Variants in PRDM16 observed in about 807,000 individuals in gnomAD.
The protein encoded by PRDM16 is PR/SET domain 16.
Under a neutral mutation model 110.6 loss-of-function variants are expected in PRDM16, and 23 were observed. That is an observed-to-expected ratio of 0.21 (90% CI 0.15 to 0.29). The LOEUF is 0.29. Among genes scored for constraint, PRDM16 ranks in the 10% least tolerant of loss-of-function variants. PRDM16 has a pLI of 1.00. For synonymous variants in PRDM16, 799 were observed against 781.8 expected, an observed-to-expected ratio of 1.02 and a Z score of -0.37; for missense variants, 1,615 against 1,794.3, an observed-to-expected ratio of 0.90 and a Z score of 1.81.
At position 3,244,027 on chromosome 1, in the gene PRDM16, C is replaced by T; in HGVS notation, c.388-60C>T. ...GGTTCTGCCCCCACCATTTAGAACC[C>T]AGTGTAGCTTGAGAATGTTTTATCA... On this transcript the variant is annotated intron_variant, in intron 2 of 16. Transcript: ENST00000270722. The surrounding 1 kb of genome is among the most constrained non-coding windows in gnomAD (Gnocchi z 4.1). 1 of 1,553,588 alleles carries T rather than the reference C, an allele frequency of 6.4e-7. No homozygotes were observed. Among genetic ancestry groups the T allele is most frequent in the Non-Finnish European group, 8.9e-7 (1 of 1,124,906 alleles).
At chr1:3,079,680 C>T (rs776665792) in intron 1 of PRDM16, among the ~76,000 whole-genome samples, 3 of 152,190 alleles carry the variant, frequency 2.0e-5, no homozygotes, top group Non-Finnish European at 2.9e-5. Flanking sequence ...TTTTCTTGGC[C>T]AGAGCTGAGA....
chr1:3,388,113 C>T (rs1055492212), intron 4 of PRDM16, among the ~76,000 whole-genome samples: 2 of 152,176 alleles, frequency 1.3e-5, no homozygotes, highest in East Asian at 1.9e-4. Context: ...TTTTTAAAAG[C>T]TTTTAACAAC....
chr1:3,161,997 C>T (rs573388912), intron 1 of PRDM16, among the ~76,000 whole-genome samples: 3 of 152,320 alleles, frequency 2.0e-5, no homozygotes, highest in South Asian at 4.1e-4. Context: ...CAGGGTGGCT[C>T]GGCCCCTCCA....
chr1:3,287,852 G>A (rs1383677678), intron 3 of PRDM16, among the ~76,000 whole-genome samples: 1 of 151,990 alleles, frequency 6.6e-6, no homozygotes, highest in Non-Finnish European at 1.5e-5. Context: ...GCCCCGCCAC[G>A]CGGGCATCCA....
At chr1:3,185,781 T>G (rs2100796759) in intron 1 of PRDM16, among the ~76,000 whole-genome samples, 1 of 152,342 alleles carries the variant, frequency 6.6e-6, no homozygotes, top group East Asian at 1.9e-4. Flanking sequence ...AGGCAGCTCC[T>G]TCCCTAGTTC....
At chr1:3,363,929 G>A (rs1478807039) in intron 3 of PRDM16, among the ~76,000 whole-genome samples, 2 of 152,096 alleles carry the variant, frequency 1.3e-5, no homozygotes, top group South Asian at 2.1e-4. Flanking sequence ...AGCCCGCTAC[G>A]CACACCTCAG....
chr1:3,116,527 C>T lies in PRDM16; in HGVS notation c.37+47231C>T, dbSNP rs946355837. Among the ~76,000 whole-genome samples the T allele has an allele frequency of 7.9e-5, 12 of 152,138 alleles. 1 individual carries two copies. The South Asian group carries it at 1.0e-3, about 13-fold the overall frequency. On this transcript the variant is annotated intron_variant, in intron 1 of 16. Coordinates refer to ENST00000270722, the MANE Select transcript of PRDM16 (RefSeq NM_022114.4). Reference sequence around the variant, plus strand: ...GTCTGGGCTCTGTCACTCGGGGACGCGCCTGCTTGTCTTTCCCCGGCTGGG... The same window carrying T: ...GTCTGGGCTCTGTCACTCGGGGACGTGCCTGCTTGTCTTTCCCCGGCTGGG...
intron 1 of PRDM16, among the ~76,000 whole-genome samples, chr1:3,091,013 C>T (rs1057487382): frequency 2.6e-5 from 4 of 152,350 alleles, no homozygotes; most frequent in Admixed American, 6.5e-5. Flanking sequence ...CGTTTCTCCC[C>T]GCAAGTCTGC....
intron 1 of PRDM16, among the ~76,000 whole-genome samples, chr1:3,172,697 A>G (rs1569755483): frequency 1.3e-5 from 2 of 152,370 alleles, no homozygotes; most frequent in African/African-American, 4.8e-5. Context: ...CGGCTGTGAA[A>G]GGGCAATAGT....
At chr1:3,298,692 G>A (rs1017376629) in intron 3 of PRDM16, among the ~76,000 whole-genome samples, 1 of 152,110 alleles carries the variant, frequency 6.6e-6, no homozygotes, top group African/African-American at 2.4e-5. Flanking sequence ...TGAGGTCTGA[G>A]GACACTGCCT....
chr1:3,283,974 G>C (rs1320288689), intron 3 of PRDM16, among the ~76,000 whole-genome samples: 1 of 152,234 alleles, frequency 6.6e-6, no homozygotes, highest in Non-Finnish European at 1.5e-5. Flanking sequence ...GCACATCGCA[G>C]GGTTGGAAGT....
chr1:3,295,079 C>T (rs1641057364), intron 3 of PRDM16, among the ~76,000 whole-genome samples: 1 of 152,192 alleles, frequency 6.6e-6, no homozygotes. Flanking sequence ...TGGGCCCAAA[C>T]TGTTATTTAA....
chr1:3,145,543 A>G (rs1256020598), intron 1 of PRDM16, among the ~76,000 whole-genome samples: 1 of 152,132 alleles, frequency 6.6e-6, no homozygotes, highest in Admixed American at 6.5e-5. Flanking sequence ...GAGTCCCCTG[A>G]CCCAGCTGCA....
chr1:3,428,271 G>A (rs947634826), intron 14 of PRDM16, among the ~76,000 whole-genome samples: 36 of 123,480 alleles, frequency 2.9e-4, no homozygotes, highest in Admixed American at 4.5e-4. Context: ...GCCCGGCCGC[G>A]CTGCAGGAGA....
intron 3 of PRDM16, among the ~76,000 whole-genome samples, chr1:3,302,508 TA>T (rs35595493): frequency 8.6e-5 from 13 of 151,196 alleles, no homozygotes; most frequent in African/African-American, 3.2e-4. Context: ...ATCCATTTGT[TA>T]AAAAAAAAAT....
Position 3,435,982 on chromosome 1 carries a change from T to C in PRDM16, c.*2171T>C, listed in dbSNP as rs1211525046. ...CTGCCTGCAGAAGAGCCAGCTGGCG[T>C]GTCGGGAAGGATCCAGGATCTGCAA... On this transcript the variant is annotated 3_prime_UTR_variant, in exon 17 of 17. Coordinates refer to ENST00000270722, the MANE Select transcript of PRDM16 (RefSeq NM_022114.4). 14 of 230,608 alleles carry C rather than the reference T, an allele frequency of 6.1e-5. No homozygotes were observed. The East Asian group carries it at 8.6e-4, about 14-fold the overall frequency. 14.3% of individuals were successfully genotyped at this position (230,608 alleles called of 1,614,324 possible).
chr1:3,127,432 A>G (rs952498625), intron 1 of PRDM16, among the ~76,000 whole-genome samples: 3 of 152,164 alleles, frequency 2.0e-5, no homozygotes, highest in Non-Finnish European at 2.9e-5. Context: ...GGTGCAGCCA[A>G]CGTATTTCAT....
rs138289908 is a variant in PRDM16 at position 3,370,031 on chromosome 1, G to A, written c.439-15121G>A. Among the ~76,000 whole-genome samples, 90 of 152,286 alleles carry A rather than the reference G, an allele frequency of 5.9e-4. No homozygotes were observed. Among genetic ancestry groups the A allele is most frequent in the African/African-American group, 2.0e-3 (85 of 41,552 alleles). On this transcript the variant is annotated intron_variant, in intron 3 of 16. Coordinates refer to ENST00000270722, the MANE Select transcript of PRDM16 (RefSeq NM_022114.4). This position sits in a 1 kb window ranked among gnomAD's most constrained non-coding sequence, Gnocchi z 4.8. ...AGGGAGAAGAAAGAAGGATGGGCTC[G>A]GAGAGACTGAGTCAGCTGCAGGGAA...
At chr1:3,119,021 G>C (rs1335478125) in intron 1 of PRDM16, among the ~76,000 whole-genome samples, 8 of 152,222 alleles carry the variant, frequency 5.3e-5, no homozygotes, top group African/African-American at 1.9e-4. Context: ...AGGCAGGGTG[G>C]GTCCTCCCTG....
Sources: allele counts gnomAD v4.1 joint callset (sites outside exome capture counted in the v4.1 genomes callset), GRCh38; gene constraint gnomAD v4.1.1; non-coding constraint Gnocchi (gnomAD v3.1); transcripts MANE v1.5; gene names NCBI Gene and HGNC (gene_info 2026-07-23, HGNC 2026-07-21).